IMPA1: variants seen among roughly 807,000 people sequenced by gnomAD.
IMPA1 encodes the protein inositol monophosphatase 1.
IMPA1 carries 21 observed loss-of-function variants against 34.9 expected under a neutral mutation model. That is an observed-to-expected ratio of 0.60 (90% CI 0.43 to 0.87). The LOEUF (loss-of-function observed/expected upper bound fraction) is 0.87. IMPA1 is among the 40% of genes least tolerant of loss of function. The probability of loss-of-function intolerance (pLI) is 0.00; values close to 1 mark genes in which losing one functional copy is unlikely to be tolerated. For missense variants in IMPA1, 299 were observed against 336.4 expected, an observed-to-expected ratio of 0.89 and a Z score of 0.87; for synonymous variants, 95 against 104.4, an observed-to-expected ratio of 0.91 and a Z score of 0.55.
At chr8:81,683,122 T>G (rs1161899155) in intron 1 of IMPA1, among the ~76,000 whole-genome samples, 1 of 152,136 alleles carries the variant, frequency 6.6e-6, no homozygotes, top group Non-Finnish European at 1.5e-5. Context: ...ATGAACTCAA[T>G]CAACTGCAGG....
intron 1 of IMPA1, among the ~76,000 whole-genome samples, chr8:81,683,166 A>G (rs1405868804): frequency 6.6e-6 from 1 of 152,184 alleles, no homozygotes; most frequent in East Asian, 1.9e-4. Context: ...TGAACAGCCT[A>G]AGAGTGACAG....
intron 4 of IMPA1, 108 bp from the exon 5 acceptor site, chr8:81,676,387 GTCTCA>G (rs1391895158): frequency 5.9e-6 from 3 of 511,102 alleles, no homozygotes; most frequent in Non-Finnish European, 1.0e-5. Context: ...CCTATAAAAA[GTCTCA>G]TCTCCACTCC....
chr8:81,678,099 C>T (rs1042546627), intron 4 of IMPA1, among the ~76,000 whole-genome samples: 1 of 152,018 alleles, frequency 6.6e-6, no homozygotes, highest in Admixed American at 6.6e-5. Context: ...GAAAAGTTAA[C>T]TAACTTGCCT....
At chr8:81,672,830 A>C (rs1352429171) in intron 6 of IMPA1, among the ~76,000 whole-genome samples, 1 of 152,140 alleles carries the variant, frequency 6.6e-6, no homozygotes, top group Non-Finnish European at 1.5e-5. Context: ...CTTTTTTTCC[A>C]CCCATTTACT....
Position 81,657,780 on chromosome 8 carries a change from A to C in IMPA1, c.*1571T>G, listed in dbSNP as rs896680567. Among the ~76,000 whole-genome samples the C allele has an allele frequency of 2.0e-5, 3 of 151,992 alleles. No individual in the cohort carries two copies. Among genetic ancestry groups the C allele is most frequent in the Non-Finnish European group, 2.9e-5 (2 of 67,996 alleles). On this transcript the variant is annotated 3_prime_UTR_variant, in exon 9 of 9. Transcript: ENST00000256108. ...TAGTAGGGCATGGTGGCATGAACTT[A>C]TAGTCCCAGCTACTCAGGAGACTGA...
Position 81,659,287 on chromosome 8 carries a change from T to C in IMPA1, c.*64A>G, listed in dbSNP as rs1806596476. 6.9e-6 allele frequency: 6 copies of C among 871,038 alleles called. No individual in the cohort carries two copies. Among genetic ancestry groups the C allele is most frequent in the Admixed American group, 3.5e-5 (2 of 57,502 alleles). 54.0% of individuals were successfully genotyped at this position (871,038 alleles called of 1,614,324 possible). ...AAGCATATCATACATCCAAAACACA[T>C]ATCCATTGATGAGTCACCAAATCTG... On this transcript the variant is annotated 3_prime_UTR_variant, in exon 9 of 9. Coordinates refer to ENST00000256108, the MANE Select transcript of IMPA1 (RefSeq NM_005536.4).
Position 81,679,154 on chromosome 8 carries a change from T to C in IMPA1, c.274A>G (p.Ile92Val), listed in dbSNP as rs766641266. ...TDNPTWIIDP[I>V]DGTTNFVHRF... is the part of the protein sequence containing the mutation. Reference sequence around the variant, plus strand: ...TGTACAAAGTTAGTTGTTCCATCAATAGGGTCAATGATCCATGTGGGGTTG... The same window carrying C: ...TGTACAAAGTTAGTTGTTCCATCAACAGGGTCAATGATCCATGTGGGGTTG... The change falls in exon 4 of 9, where the codon ATT becomes GTT. Residue 92 changes from isoleucine to valine, a missense_variant. By Grantham distance (29) the Ile-to-Val change is conservative. Transcript: ENST00000256108. 49 of 1,612,696 alleles carry C rather than the reference T, an allele frequency of 3.0e-5. No homozygotes were observed. The highest frequency in any genetic ancestry group is 3.8e-5 in the Non-Finnish European group (45 of 1,178,798).
Position 81,684,497 on chromosome 8 carries a change from C to T in IMPA1, c.-25+1755G>A, listed in dbSNP as rs533370125. 5.7e-5 allele frequency among the ~76,000 whole-genome samples: 8 copies of T among 140,704 alleles called. No homozygotes were observed. The South Asian group carries it at 1.6e-3, about 27-fold the overall frequency. 92.3% of individuals were successfully genotyped at this position (140,704 alleles called of 152,430 possible). On this transcript the variant is annotated intron_variant, in intron 1 of 8. Transcript: ENST00000256108. Reference sequence around the variant, plus strand: ...TATCTTTAGATACTACAGTATACTACACATAAGTATCTTTAGATACTATGT... The same window carrying T: ...TATCTTTAGATACTACAGTATACTATACATAAGTATCTTTAGATACTATGT...
intron 7 of IMPA1, among the ~76,000 whole-genome samples, chr8:81,669,338 A>C (rs1453298906): frequency 6.6e-6 from 1 of 152,028 alleles, no homozygotes; most frequent in Non-Finnish European, 1.5e-5. Context: ...CAGGCACTGG[A>C]CTCCAACCCA....
At chr8:81,666,035 A>G (rs1417930811) in intron 7 of IMPA1, among the ~76,000 whole-genome samples, 1 of 152,242 alleles carries the variant, frequency 6.6e-6, no homozygotes, top group Non-Finnish European at 1.5e-5. Flanking sequence ...TGTTAAATGA[A>G]GAACTAGGAT....
At chr8:81,663,353 A>G (rs1806730877) in intron 7 of IMPA1, among the ~76,000 whole-genome samples, 2 of 152,208 alleles carry the variant, frequency 1.3e-5, no homozygotes, top group South Asian at 4.1e-4. Flanking sequence ...TTTACTCATT[A>G]CTATATAGAC....
chr8:81,680,517 C>A, intron 3 of IMPA1, 133 bp downstream of exon 3: 3 of 668,400 alleles, frequency 4.5e-6, no homozygotes, highest in Non-Finnish European at 7.6e-6. Context: ...TTGACTGCAG[C>A]CTTGACCAAC....
intron 3 of IMPA1, 66 bp from the exon 4 acceptor site, chr8:81,679,296 T>C (rs1413928631): frequency 3.8e-6 from 4 of 1,045,104 alleles, no homozygotes. Flanking sequence ...AATCATAACA[T>C]TTCCTTAGCT....
In IMPA1 at chr8:81,686,256, A is replaced by G; in HGVS notation, c.-29T>C. 9.9e-7 allele frequency: 1 copy of G among 1,009,708 alleles called. No homozygotes were observed. The allele number at this position is 1,009,708 out of a possible 1,614,324, so 62.5% of individuals were successfully genotyped here. A position where few individuals can be genotyped will look rare whatever the true frequency, so the allele number is the denominator to read the frequency against. Reference sequence around the variant, plus strand: ...TGAGGAAAATAACGGTCTCACCTTGAGTCGGAGGACGTCCGGCTAGCTCTG... The same window carrying G: ...TGAGGAAAATAACGGTCTCACCTTGGGTCGGAGGACGTCCGGCTAGCTCTG... On this transcript the variant is annotated 5_prime_UTR_variant, in exon 1 of 9. Coordinates refer to ENST00000256108, the MANE Select transcript of IMPA1 (RefSeq NM_005536.4).
intron 8 of IMPA1, among the ~76,000 whole-genome samples, chr8:81,660,132 T>G (rs2130235896): frequency 6.6e-6 from 1 of 152,326 alleles, no homozygotes; most frequent in East Asian, 1.9e-4. Flanking sequence ...AAAAAAAATT[T>G]TTTTAATCGC....
intron 7 of IMPA1, among the ~76,000 whole-genome samples, chr8:81,664,453 A>C (rs951199892): frequency 3.3e-5 from 5 of 152,222 alleles, no homozygotes; most frequent in African/African-American, 1.2e-4. Context: ...CTTTGTGAGA[A>C]AGAACAAGGA....
chr8:81,672,146 G>C lies in IMPA1; in HGVS notation c.458-1099C>G, dbSNP rs116311564. 7.6e-3 allele frequency among the ~76,000 whole-genome samples: 1,154 copies of C among 152,226 alleles called. 11 individuals are homozygous for C. The highest frequency in any genetic ancestry group is 0.025 in the African/African-American group (1,058 of 41,528). On this transcript the variant is annotated intron_variant, in intron 6 of 8. Coordinates refer to ENST00000256108, the MANE Select transcript of IMPA1 (RefSeq NM_005536.4). ...GTGTTTGAGGGAAAAAGGTATAAAA[G>C]TCTAGAAAGATTCTAAACTCAAATT... is the stretch of plus-strand genomic sequence containing the variant.
At chr8:81,673,199 A>C (rs1486452272) in intron 6 of IMPA1, among the ~76,000 whole-genome samples, 1 of 152,208 alleles carries the variant, frequency 6.6e-6, no homozygotes, top group African/African-American at 2.4e-5. Context: ...TGTGGGAGAG[A>C]AAGTCATCCC....
chr8:81,684,664 C>A (rs1296411486), intron 1 of IMPA1, among the ~76,000 whole-genome samples: 2 of 138,288 alleles, frequency 1.4e-5, no homozygotes, highest in African/African-American at 5.4e-5. Flanking sequence ...ATATACTACA[C>A]ATAAGTATAT....
Sources: allele counts gnomAD v4.1 joint callset (sites outside exome capture counted in the v4.1 genomes callset), GRCh38; gene constraint gnomAD v4.1.1; transcripts MANE v1.5; gene names NCBI Gene and HGNC (gene_info 2026-07-23, HGNC 2026-07-21).